The following IKZF3 variants were observed in gnomAD, a reference collection of about 807,000 sequenced individuals.
IKZF3 encodes zinc finger protein Aiolos.
A neutral mutation model predicts 49.0 loss-of-function variants in IKZF3; 10 were observed. The observed-to-expected ratio is 0.20, with a 90% confidence interval of 0.13 to 0.35. The LOEUF is 0.35. Ranked by LOEUF, IKZF3 falls within the 10% of genes least tolerant of loss-of-function variation. IKZF3 has a pLI of 1.00. For synonymous variants in IKZF3, 209 were observed against 228.2 expected (o/e 0.92, Z 0.76); for missense variants, 498 against 664.8 (o/e 0.75, Z 2.76).
intron 6 of IKZF3, chr17:39,778,188 A>G (rs1443363989): frequency 1.0e-6 from 1 of 987,204 alleles, no homozygotes; most frequent in East Asian, 1.1e-4. Context: ...GGTGCCCCAG[A>G]TTTACTGCTC....
At chr17:39,796,028 C>T (rs530880101) in intron 3 of IKZF3, among the ~76,000 whole-genome samples, 17 of 151,810 alleles carry the variant, frequency 1.1e-4, no homozygotes, top group African/African-American at 4.1e-4. Context: ...GGCGACAGAG[C>T]GAGACGCCAT....
chr17:39,833,253 AT>A (rs1268093457), intron 1 of IKZF3, among the ~76,000 whole-genome samples: 12 of 152,294 alleles, frequency 7.9e-5, no homozygotes, highest in Non-Finnish European at 1.5e-5. Context: ...TGTTTACAAG[AT>A]TTTAAAAAGT....
chr17:39,821,883 T>C (rs893463227), intron 3 of IKZF3, among the ~76,000 whole-genome samples: 11 of 152,180 alleles, frequency 7.2e-5, no homozygotes, highest in African/African-American at 2.4e-4. Context: ...CTAAAGAATT[T>C]TGACTAAAAT....
intron 3 of IKZF3, among the ~76,000 whole-genome samples, chr17:39,827,481 T>G (rs1463798507): frequency 1.3e-5 from 2 of 151,114 alleles, no homozygotes; most frequent in African/African-American, 4.9e-5. Context: ...TTATTATAAT[T>G]TTTTTTTATA....
At chr17:39,859,360 C>G (rs374658615) in intron 1 of IKZF3, among the ~76,000 whole-genome samples, 12 of 150,084 alleles carry the variant, frequency 8.0e-5, no homozygotes, top group Admixed American at 3.3e-4. Context: ...TCCAAAAGGC[C>G]TTGGTGTCAT....
In IKZF3 at chr17:39,822,053, C is replaced by G. The variant is rs571808800; in HGVS notation, c.163+7334G>C. Among the ~76,000 whole-genome samples, 310 of 152,294 alleles carry G rather than the reference C, an allele frequency of 2.0e-3. 1 individual carries two copies. The highest frequency in any genetic ancestry group is 0.014 in the Middle Eastern group (4 of 294). Reference sequence around the variant, plus strand: ...ACAGAGCAGGTCATTCCTAAGGGAACAGCTGACCTGGTGGACCAGATAAGA... The same window carrying G: ...ACAGAGCAGGTCATTCCTAAGGGAAGAGCTGACCTGGTGGACCAGATAAGA... On this transcript the variant is annotated intron_variant, in intron 3 of 7. Transcript: ENST00000346872.
chr17:39,829,274 C>T (rs2062039368), intron 3 of IKZF3, 113 bp downstream of exon 3: 1 of 710,644 alleles, frequency 1.4e-6, no homozygotes, highest in Admixed American at 2.3e-5. Flanking sequence ...AACAGAATCA[C>T]TCCTAACTAA....
In IKZF3 at chr17:39,832,985, C is replaced by T. The variant is rs201087645; in HGVS notation, c.8-834G>A. Among the ~76,000 whole-genome samples, 15 of 151,838 alleles carry T rather than the reference C, an allele frequency of 9.9e-5. No individual in the cohort carries two copies. The East Asian group carries it at 2.9e-3, about 29-fold the overall frequency. ...CATGTAACAAAATATCACATGTGCCCCATAAATATGTAAAATATTATGTAT... is the reference window on the plus strand; with the variant it reads ...CATGTAACAAAATATCACATGTGCCTCATAAATATGTAAAATATTATGTAT... On this transcript the variant is annotated intron_variant, in intron 1 of 7. Transcript: ENST00000346872.
At chr17:39,786,982 A>C (rs753819435) in intron 6 of IKZF3, among the ~76,000 whole-genome samples, 2 of 152,200 alleles carry the variant, frequency 1.3e-5, no homozygotes, top group African/African-American at 2.4e-5. Context: ...CTCACTCAAA[A>C]TGAGGGCAGT....
chr17:39,765,888 C>T lies in IKZF3; in HGVS notation c.1432G>A (p.Asp478Asn), dbSNP rs2143561163. ...TIHMGCHGFR[D>N]PFECNMCGYR... Reference sequence around the variant, plus strand: ...CCACACATGTTACACTCGAAAGGGTCACGGAAGCCGTGGCAGCCCATGTGA... The same window carrying T: ...CCACACATGTTACACTCGAAAGGGTTACGGAAGCCGTGGCAGCCCATGTGA... Residue 478 changes from aspartate (D) to asparagine (N), a missense_variant, in exon 8 of 8, where the codon GAC becomes AAC. Coordinates refer to ENST00000346872, the MANE Select transcript of IKZF3 (RefSeq NM_012481.5). 1 of 1,614,256 alleles carries T rather than the reference C, an allele frequency of 6.2e-7. No individual in the cohort carries two copies. The highest frequency in any genetic ancestry group is 2.2e-5 in the East Asian group (1 of 44,888).
chr17:39,857,606 T>C (rs2063099052), intron 1 of IKZF3, among the ~76,000 whole-genome samples: 2 of 152,156 alleles, frequency 1.3e-5, no homozygotes, highest in South Asian at 4.1e-4. Context: ...AATACTTCAA[T>C]CTCTTCTACC....
chr17:39,778,289 GTTTC>G (rs2143731884), intron 6 of IKZF3: 2 of 626,116 alleles, frequency 3.2e-6, no homozygotes, highest in East Asian at 1.4e-4. Flanking sequence ...ATTCTGAGTG[GTTTC>G]TTTCTTTTTC....
At chr17:39,778,638 C>T (rs964247951) in intron 6 of IKZF3, among the ~76,000 whole-genome samples, 1 of 152,092 alleles carries the variant, frequency 6.6e-6, no homozygotes, top group East Asian at 1.9e-4. Flanking sequence ...CCTGTCTCTA[C>T]TAAAAATACA....
chr17:39,837,631 A>G (rs1389256146), intron 1 of IKZF3, among the ~76,000 whole-genome samples: 1 of 146,494 alleles, frequency 6.8e-6, no homozygotes, highest in African/African-American at 2.5e-5. Flanking sequence ...TCTGTCTTCT[A>G]TTGTTTCTTT....
intron 7 of IKZF3, among the ~76,000 whole-genome samples, chr17:39,768,316 T>C (rs1314249610): frequency 2.0e-5 from 3 of 152,254 alleles, no homozygotes; most frequent in Admixed American, 1.3e-4. Context: ...TGGAAGAATT[T>C]AGATTTTCAG....
intron 1 of IKZF3, chr17:39,835,649 G>T: frequency 2.3e-6 from 1 of 435,106 alleles, no homozygotes. Context: ...TGTCCAGGGA[G>T]CAGCTGTTAT....
chr17:39,785,027 T>C (rs930562332), intron 6 of IKZF3, among the ~76,000 whole-genome samples: 1 of 152,290 alleles, frequency 6.6e-6, no homozygotes, highest in Non-Finnish European at 1.5e-5. Flanking sequence ...ACAACAGCAA[T>C]GGAGCATCAT....
intron 3 of IKZF3, among the ~76,000 whole-genome samples, chr17:39,815,954 C>A (rs762967743): frequency 4.6e-5 from 7 of 152,084 alleles, no homozygotes; most frequent in Non-Finnish European, 1.0e-4. Context: ...TTGTCATGCA[C>A]AAACAATTTC....
At chr17:39,819,470 T>C (rs2061753381) in intron 3 of IKZF3, among the ~76,000 whole-genome samples, 3 of 152,142 alleles carry the variant, frequency 2.0e-5, no homozygotes, top group Admixed American at 2.0e-4. Context: ...ATCATATGCC[T>C]TTCCTCAGCA....
Sources: allele counts gnomAD v4.1 joint callset (sites outside exome capture counted in the v4.1 genomes callset), GRCh38; gene constraint gnomAD v4.1.1; transcripts MANE v1.5; gene names NCBI Gene and HGNC (gene_info 2026-07-23, HGNC 2026-07-21).